The following CCR9 variants were observed in gnomAD, a reference collection of about 807,000 sequenced individuals.
CCR9 encodes the protein C-C motif chemokine receptor 9.
In CCR9, 4 loss-of-function variants were observed where a neutral mutation model predicts 8.7. That is an observed-to-expected ratio of 0.46 (90% CI 0.23 to 1.06). The LOEUF (loss-of-function observed/expected upper bound fraction) is 1.06. Ranked by LOEUF, CCR9 falls within the 50% of genes least tolerant of loss-of-function variation. The probability of loss-of-function intolerance (pLI) is 0.21; values close to 1 mark genes in which losing one functional copy is unlikely to be tolerated. For missense variants in CCR9, 394 were observed against 453.6 expected, an observed-to-expected ratio of 0.87 and a Z score of 1.19; for synonymous variants, 159 against 168.8, an observed-to-expected ratio of 0.94 and a Z score of 0.45.
At chr3:45,887,040 C>T (rs1421474304) in intron 1 of CCR9, among the ~76,000 whole-genome samples, 14 of 152,098 alleles carry the variant, frequency 9.2e-5, no homozygotes, top group Admixed American at 7.9e-4. Flanking sequence ...CAGTGAAAAA[C>T]TGGAAACAAG....
chr3:45,900,786 AT>A lies in CCR9; in HGVS notation c.22-23del. On this transcript the variant is annotated intron_variant, in intron 2 of 2. Coordinates refer to ENST00000357632, the MANE Select transcript of CCR9 (RefSeq NM_031200.3). This position sits in a 1 kb window ranked among gnomAD's most constrained non-coding sequence, Gnocchi z 4.7. ...CCTTCAAAATATTTTCCTTGACCTA[AT>A]GCCATCTTGTGTCCCCTTGCAGAGC... The A allele has an allele frequency of 6.3e-7, 1 of 1,591,232 alleles. No homozygotes were observed. Among genetic ancestry groups the A allele is most frequent in the Non-Finnish European group, 8.6e-7 (1 of 1,166,980 alleles).
chr3:45,895,214 A>G, intron 2 of CCR9: 1 of 532,730 alleles, frequency 1.9e-6, no homozygotes, highest in Non-Finnish European at 3.3e-6. Context: ...AGGATTTTTA[A>G]CCATCTTTAA....
intron 1 of CCR9, among the ~76,000 whole-genome samples, chr3:45,891,027 G>A (rs2125743413): frequency 6.6e-6 from 1 of 152,346 alleles, no homozygotes; most frequent in African/African-American, 2.4e-5. Context: ...GGAAGATTAC[G>A]GGTGATTTTG....
In CCR9 at chr3:45,900,115, T is replaced by C. The variant is rs895070601; in HGVS notation, c.22-695T>C. Among the ~76,000 whole-genome samples the C allele has an allele frequency of 1.3e-5, 2 of 152,190 alleles. No homozygotes were observed. Among genetic ancestry groups the C allele is most frequent in the Non-Finnish European group, 2.9e-5 (2 of 68,040 alleles). On this transcript the variant is annotated intron_variant, in intron 2 of 2. Transcript: ENST00000357632. The surrounding 1 kb of genome is among the most constrained non-coding windows in gnomAD (Gnocchi z 4.7). ...TGGCTGTGCAACCCACACAGTCACA[T>C]AGGGGCCCTGTGCTTAGAAGTGCTG...
Position 45,902,058 on chromosome 3 carries a change from A to C in CCR9, c.*160A>C. ...TTGTAGTCAGAATTTGCCAAAGCAA[A>C]TATTTCAAAATCAACTGACTAGTGC... On this transcript the variant is annotated 3_prime_UTR_variant, in exon 3 of 3. Transcript: ENST00000357632. 1 of 655,476 alleles carries C rather than the reference A, an allele frequency of 1.5e-6. No individual in the cohort carries two copies. The highest frequency in any genetic ancestry group is 2.6e-6 in the Non-Finnish European group (1 of 388,078). 40.6% of individuals were successfully genotyped at this position (655,476 alleles called of 1,614,324 possible).
At chr3:45,895,832 T>C (rs1702336198) in intron 2 of CCR9, among the ~76,000 whole-genome samples, 1 of 152,224 alleles carries the variant, frequency 6.6e-6, no homozygotes, top group Non-Finnish European at 1.5e-5. Context: ...GTAACATTCA[T>C]AAATGCCTTA....
At position 45,901,944 on chromosome 3, in the gene CCR9, T is replaced by G. The variant is rs1266929937; in HGVS notation, c.*46T>G. ...TGGTTCTTTTGGAAGAAATGAGAAA[T>G]ACAGAAACAGTTTCCCCACTGATGG... On this transcript the variant is annotated 3_prime_UTR_variant, in exon 3 of 3. Coordinates refer to ENST00000357632, the MANE Select transcript of CCR9 (RefSeq NM_031200.3). This position sits in a 1 kb window ranked among gnomAD's most constrained non-coding sequence, Gnocchi z 4.3. 2 of 1,486,926 alleles carry G rather than the reference T, an allele frequency of 1.3e-6. No homozygotes were observed. The highest frequency in any genetic ancestry group is 2.8e-5 in the African/African-American group (2 of 71,072). The allele number at this position is 1,486,926 out of a possible 1,614,324, so 92.1% of individuals were successfully genotyped here.
rs201908838 is a variant in CCR9, at chr3:45,901,796, T to G, written c.1008T>G (p.Gly336=). The G allele has an allele frequency of 2.5e-6, 4 of 1,614,106 alleles. No individual in the cohort carries two copies. The highest frequency in any genetic ancestry group is 2.5e-6 in the Non-Finnish European group (3 of 1,180,006). The change falls in exon 3 of 3, where the codon GGT becomes GGG. Residue 336 remains glycine (G), a synonymous_variant. Coordinates refer to ENST00000357632, the MANE Select transcript of CCR9 (RefSeq NM_031200.3). This position sits in a 1 kb window ranked among gnomAD's most constrained non-coding sequence, Gnocchi z 4.3. ...RDLVKTLKNL[G]CISQAQWVSF... ...TCGTGAAAACCCTGAAGAACTTGGG[T>G]TGCATCAGCCAGGCCCAGTGGGTTT...
chr3:45,888,294 G>A (rs994452686), intron 1 of CCR9, among the ~76,000 whole-genome samples: 2 of 151,996 alleles, frequency 1.3e-5, no homozygotes, highest in Non-Finnish European at 2.9e-5. Context: ...CATGCTCTTC[G>A]GCCTTCAAGG....
In CCR9 at chr3:45,901,527, T is replaced by G; in HGVS notation, c.739T>G (p.Ser247Ala). Residue 247 changes from serine (S) to alanine (A), a missense_variant, in exon 3 of 3, where the codon TCT becomes GCT. Coordinates refer to ENST00000357632, the MANE Select transcript of CCR9 (RefSeq NM_031200.3). This position sits in a 1 kb window ranked among gnomAD's most constrained non-coding sequence, Gnocchi z 4.3. ...TCACACCCTGATACAAGCCAAGAAG[T>G]CTTCCAAGCACAAAGCCCTAAAAGT... is the stretch of plus-strand genomic sequence containing the variant. The part of the protein sequence containing the change: ...IIHTLIQAKK[S>A]SKHKALKVTI... 1 of 1,614,206 alleles carries G rather than the reference T, an allele frequency of 6.2e-7. No homozygotes were observed. The highest frequency in any genetic ancestry group is 8.5e-7 in the Non-Finnish European group (1 of 1,180,024).
chr3:45,902,061 T>C lies in CCR9; in HGVS notation c.*163T>C, dbSNP rs201397521. 8 of 654,276 alleles carry C rather than the reference T, an allele frequency of 1.2e-5. No homozygotes were observed. Among genetic ancestry groups the C allele is most frequent in the Non-Finnish European group, 1.8e-5 (7 of 386,802 alleles). The allele number at this position is 654,276 out of a possible 1,614,324, so 40.5% of individuals were successfully genotyped here. On this transcript the variant is annotated 3_prime_UTR_variant, in exon 3 of 3. Transcript: ENST00000357632. ...TAGTCAGAATTTGCCAAAGCAAATA[T>C]TTCAAAATCAACTGACTAGTGCAGG...
At position 45,902,329 on chromosome 3, in the gene CCR9, T is replaced by C. The variant is rs2125764206; in HGVS notation, c.*431T>C. 5.8e-6 allele frequency: 1 copy of C among 173,726 alleles called. No individual in the cohort carries two copies. The highest frequency in any genetic ancestry group is 2.4e-5 in the African/African-American group (1 of 41,746). The allele number at this position is 173,726 out of a possible 1,614,324, so 10.8% of individuals were successfully genotyped here. Reference sequence around the variant, plus strand: ...CAGACCGCAAAAGCAGAAAGTTTCGTGAAAATGTCCATCTTTGGGAAATTT... The same window carrying C: ...CAGACCGCAAAAGCAGAAAGTTTCGCGAAAATGTCCATCTTTGGGAAATTT... On this transcript the variant is annotated 3_prime_UTR_variant, in exon 3 of 3. Coordinates refer to ENST00000357632, the MANE Select transcript of CCR9 (RefSeq NM_031200.3).
Position 45,900,709 on chromosome 3 carries a change from G to A in CCR9, c.22-101G>A, listed in dbSNP as rs1204018063. The A allele has an allele frequency of 8.5e-7, 1 of 1,172,072 alleles. No individual in the cohort carries two copies. Among genetic ancestry groups the A allele is most frequent in the Non-Finnish European group, 1.2e-6 (1 of 829,084 alleles). The allele number at this position is 1,172,072 out of a possible 1,614,324, so 72.6% of individuals were successfully genotyped here. On this transcript the variant is annotated intron_variant, in intron 2 of 2. Transcript: ENST00000357632. The surrounding 1 kb of genome is among the most constrained non-coding windows in gnomAD (Gnocchi z 4.7). Reference sequence around the variant, plus strand: ...CTATGTGTCTTTGGCCTTATCATAGGTGTTTGGGGTTGGAAGGGTCAAGAG... The same window carrying A: ...CTATGTGTCTTTGGCCTTATCATAGATGTTTGGGGTTGGAAGGGTCAAGAG...
chr3:45,892,447 A>T (rs940943117), intron 1 of CCR9, among the ~76,000 whole-genome samples: 4 of 152,312 alleles, frequency 2.6e-5, no homozygotes, highest in African/African-American at 9.6e-5. Flanking sequence ...ATCCTAAGTG[A>T]ATTAACACAG....
intron 1 of CCR9, 36 bp downstream of exon 1, chr3:45,886,691 A>C (rs1701990413): frequency 6.6e-6 from 1 of 152,268 alleles, no homozygotes; most frequent in Non-Finnish European, 1.5e-5. Flanking sequence ...CCCCCAACCC[A>C]GTGTCATCTT....
intron 1 of CCR9, among the ~76,000 whole-genome samples, chr3:45,892,691 C>G (rs1243522015): frequency 6.6e-6 from 1 of 152,018 alleles, no homozygotes; most frequent in African/African-American, 2.4e-5. Context: ...TATGACAAAC[C>G]TGCACATATA....
At chr3:45,890,831 G>T (rs1702156729) in intron 1 of CCR9, among the ~76,000 whole-genome samples, 1 of 152,230 alleles carries the variant, frequency 6.6e-6, no homozygotes, top group South Asian at 2.1e-4. Flanking sequence ...ATGAATTGGG[G>T]CACAGCCCCT....
At chr3:45,895,453 G>C (rs6782814) in intron 2 of CCR9, among the ~76,000 whole-genome samples, 34,564 of 152,210 alleles carry the variant, frequency 0.23, 6,095 homozygotes, top group African/African-American at 0.48. Context: ...GCTCACGCCT[G>C]TAATCCCAGC....
rs201764174 is a variant in CCR9 at position 45,901,211 on chromosome 3, C to T, written c.423C>T (p.Ser141=). 3.5e-5 allele frequency: 57 copies of T among 1,614,012 alleles called. No individual in the cohort carries two copies. The highest frequency in any genetic ancestry group is 1.1e-4 in the East Asian group (5 of 44,894). ...YSCVLLIMCI[S]VDRYIAIAQA... ...GTGTGTTGCTGATCATGTGCATCAGCGTGGACAGGTACATTGCCATTGCCC... is the reference window on the plus strand; with the variant it reads ...GTGTGTTGCTGATCATGTGCATCAGTGTGGACAGGTACATTGCCATTGCCC... The change falls in exon 3 of 3, where the codon AGC becomes AGT. Residue 141 remains serine, a synonymous_variant. Coordinates refer to ENST00000357632, the MANE Select transcript of CCR9 (RefSeq NM_031200.3). The surrounding 1 kb of genome is among the most constrained non-coding windows in gnomAD (Gnocchi z 4.3).
Sources: allele counts gnomAD v4.1 joint callset (sites outside exome capture counted in the v4.1 genomes callset), GRCh38; gene constraint gnomAD v4.1.1; non-coding constraint Gnocchi (gnomAD v3.1); transcripts MANE v1.5; gene names NCBI Gene and HGNC (gene_info 2026-07-23, HGNC 2026-07-21).